ARK2C: variants seen among roughly 807,000 people sequenced by gnomAD.
ARK2C encodes the protein arkadia (RNF111) C-terminal like ring finger ubiquitin ligase 2C.
chr18:46,397,244 T>A, the ARK2C span, among the ~76,000 whole-genome samples: 61 of 151,958 alleles, frequency 4.0e-4, no homozygotes, highest in Middle Eastern at 3.4e-3. Flanking sequence ...GGGTCAGGAG[T>A]GAGGACTGGG....
chr18:46,339,515 A>T, the ARK2C span, among the ~76,000 whole-genome samples: 3 of 152,244 alleles, frequency 2.0e-5, no homozygotes, highest in Non-Finnish European at 2.9e-5. Context: ...TGACTGGACG[A>T]TTCAGGAACT....
chr18:46,396,405 CA>C, the ARK2C span, among the ~76,000 whole-genome samples: 1 of 152,154 alleles, frequency 6.6e-6, no homozygotes, highest in African/African-American at 2.4e-5. Context: ...CAGGCTCTTG[CA>C]GAGACATTCT....
chr18:46,366,561 C>T, the ARK2C span, among the ~76,000 whole-genome samples: 1 of 152,170 alleles, frequency 6.6e-6, no homozygotes, highest in African/African-American at 2.4e-5. Flanking sequence ...TAGTAAATGG[C>T]AGTGCCTAGC....
chr18:46,377,974 G>T, the ARK2C span, among the ~76,000 whole-genome samples: 1 of 152,204 alleles, frequency 6.6e-6, no homozygotes. Flanking sequence ...CACAACAGAG[G>T]TGGTGCAGGA....
At chr18:46,445,306 G>A in the ARK2C span, among the ~76,000 whole-genome samples, 3 of 152,116 alleles carry the variant, frequency 2.0e-5, no homozygotes, top group East Asian at 3.9e-4. Flanking sequence ...AGATCTTCCC[G>A]AATAAGACTC....
chr18:46,435,352 A>G, the ARK2C span: 11,843 of 1,614,136 alleles, frequency 7.3e-3, 66 homozygotes, highest in Non-Finnish European at 8.6e-3. Context: ...ACTTCGGCCA[A>G]CTGCAGACAC....
chr18:46,355,652 T>G, the ARK2C span, among the ~76,000 whole-genome samples: 4 of 152,192 alleles, frequency 2.6e-5, no homozygotes, highest in African/African-American at 9.6e-5. Context: ...TTCTTGCTCC[T>G]CCAGCAGCCA....
chr18:46,341,091 TG>T, the ARK2C span, among the ~76,000 whole-genome samples: 1 of 152,178 alleles, frequency 6.6e-6, no homozygotes, highest in South Asian at 2.1e-4. Flanking sequence ...ATCATTGTCC[TG>T]TCTTTGAATG....
At chr18:46,444,973 A>G in the ARK2C span, among the ~76,000 whole-genome samples, 2 of 151,518 alleles carry the variant, frequency 1.3e-5, no homozygotes, top group Non-Finnish European at 2.9e-5. Flanking sequence ...TCTTTTGTAT[A>G]TTTGAATATG....
chr18:46,449,824 T>C, the ARK2C span, among the ~76,000 whole-genome samples: 2 of 152,134 alleles, frequency 1.3e-5, no homozygotes, highest in South Asian at 4.1e-4. Context: ...TACCCATTCT[T>C]GGGTATTTCT....
At chr18:46,350,256 T>C in the ARK2C span, among the ~76,000 whole-genome samples, 4 of 152,204 alleles carry the variant, frequency 2.6e-5, no homozygotes, top group African/African-American at 4.8e-5. Flanking sequence ...GAAAACACCA[T>C]GCGTATGCGT....
the ARK2C span, among the ~76,000 whole-genome samples, chr18:46,350,390 G>A: frequency 6.6e-6 from 1 of 152,202 alleles, no homozygotes; most frequent in African/African-American, 2.4e-5. Flanking sequence ...CATGTGGCCT[G>A]GGAGGGCTTC....
the ARK2C span, among the ~76,000 whole-genome samples, chr18:46,399,059 A>T: frequency 6.6e-6 from 1 of 152,194 alleles, no homozygotes; most frequent in South Asian, 2.1e-4. Context: ...GTCCCAGGAG[A>T]TCAGGAGAAA....
the ARK2C span, among the ~76,000 whole-genome samples, chr18:46,428,696 A>T: frequency 6.6e-6 from 1 of 152,248 alleles, no homozygotes; most frequent in Non-Finnish European, 1.5e-5. Context: ...TAAGAAAAGG[A>T]AAGAGTTTTA....
the ARK2C span, among the ~76,000 whole-genome samples, chr18:46,415,081 G>A: frequency 6.6e-6 from 1 of 152,208 alleles, no homozygotes; most frequent in African/African-American, 2.4e-5. Context: ...CCTGTGCGCT[G>A]CTGCAGTTTC....
At chr18:46,376,664 CTT>C in the ARK2C span, among the ~76,000 whole-genome samples, 160 of 72,224 alleles carry the variant, frequency 2.2e-3, no homozygotes, top group African/African-American at 8.5e-3. Context: ...GGTTAATAAT[CTT>C]TTTTTTTTTT....
chr18:46,343,782 G>A, the ARK2C span, among the ~76,000 whole-genome samples: 1 of 152,182 alleles, frequency 6.6e-6, no homozygotes, highest in African/African-American at 2.4e-5. Context: ...CAGTAGGCAC[G>A]TGAACTTCCA....
the ARK2C span, among the ~76,000 whole-genome samples, chr18:46,400,876 C>T: frequency 3.2e-4 from 49 of 152,164 alleles, no homozygotes; most frequent in Non-Finnish European, 8.8e-5. Context: ...GATCAGGTCT[C>T]GTGCAGACAT....
At chr18:46,456,641 G>A in the ARK2C span, 2 of 1,598,308 alleles carry the variant, frequency 1.3e-6, no homozygotes, top group African/African-American at 2.7e-5. Flanking sequence ...AGCTGAGGGA[G>A]GAATTAGCCA....
Sources: allele counts gnomAD v4.1 joint callset (sites outside exome capture counted in the v4.1 genomes callset), GRCh38; gene constraint gnomAD v4.1.1; transcripts MANE v1.5; gene names NCBI Gene and HGNC (gene_info 2026-07-23, HGNC 2026-07-21).